Variants in DHRSX observed in about 807,000 individuals in gnomAD.
The protein encoded by DHRSX is polyprenol dehydrogenase.
A neutral mutation model predicts 34.0 loss-of-function variants in DHRSX; 31 were observed. The observed-to-expected ratio is 0.91, with a 90% CI of 0.69 to 1.23. The LOEUF (loss-of-function observed/expected upper bound fraction) is 1.23. Ranked by LOEUF, DHRSX falls within the 50% of genes most tolerant of loss-of-function variation. The pLI is 0.00. For synonymous variants in DHRSX, 201 were observed against 183.8 expected (o/e 1.09, Z -0.76); for missense variants, 414 against 428.1 (o/e 0.97, Z 0.29).
intron 5 of DHRSX, among the ~76,000 whole-genome samples, chrX:2,252,565 G>T (rs1178659671): frequency 6.6e-6 from 1 of 152,186 alleles, no homozygotes; most frequent in Non-Finnish European, 1.5e-5. Context: ...TGAAAAAGCA[G>T]AAAATGCATC....
chrX:2,241,343 T>C (rs1227561830), intron 6 of DHRSX, among the ~76,000 whole-genome samples: 2 of 152,202 alleles, frequency 1.3e-5, no homozygotes, highest in Non-Finnish European at 2.9e-5. Flanking sequence ...TGCTTTGTCC[T>C]GCTGAACTGA....
At chrX:2,224,646 A>G (rs1434445963) in intron 6 of DHRSX, among the ~76,000 whole-genome samples, 3 of 152,092 alleles carry the variant, frequency 2.0e-5, no homozygotes, top group African/African-American at 7.2e-5. Context: ...GGTCACTTAC[A>G]TGCTGACATG....
intron 3 of DHRSX, among the ~76,000 whole-genome samples, chrX:2,322,563 A>G (rs1317796483): frequency 6.6e-6 from 1 of 151,810 alleles, no homozygotes; most frequent in Non-Finnish European, 1.5e-5. Context: ...CTCAAAAAAA[A>G]AAAAAAAAGA....
chrX:2,319,558 A>AG (rs1180601352), intron 3 of DHRSX, among the ~76,000 whole-genome samples: 1 of 151,136 alleles, frequency 6.6e-6, no homozygotes, highest in Non-Finnish European at 1.5e-5. Flanking sequence ...AAAAAAAAAA[A>AG]AAGAGAACGA....
At chrX:2,359,144 T>C (rs2042895368) in intron 3 of DHRSX, among the ~76,000 whole-genome samples, 1 of 152,136 alleles carries the variant, frequency 6.6e-6, no homozygotes, top group Non-Finnish European at 1.5e-5. Flanking sequence ...ACCTAAACAC[T>C]GTTGGCGGGA....
chrX:2,283,895 TTCATTCCTTTGAATTCAC>T (rs1235942400), intron 4 of DHRSX, among the ~76,000 whole-genome samples: 3,062 of 137,490 alleles, frequency 0.022, 128 homozygotes, highest in African/African-American at 0.066. Flanking sequence ...TTTGAATTCG[TTCATTCCTTTGAATTCAC>T]TCATTCCTTT....
intron 3 of DHRSX, among the ~76,000 whole-genome samples, chrX:2,308,744 G>T (rs913839780): frequency 6.6e-6 from 1 of 151,672 alleles, no homozygotes; most frequent in African/African-American, 2.4e-5. Flanking sequence ...TCAACATTGT[G>T]GGGGAAGGAG....
intron 1 of DHRSX, chrX:2,487,708 GAAAATACAACA>G: frequency 6.6e-6 from 1 of 152,130 alleles, no homozygotes; most frequent in South Asian, 2.1e-4. Context: ...GCAACCTGTC[GAAAATACAACA>G]CATTCCACAC....
At chrX:2,495,256 A>C (rs1240780214) in intron 1 of DHRSX, among the ~76,000 whole-genome samples, 2 of 151,526 alleles carry the variant, frequency 1.3e-5, no homozygotes, top group Non-Finnish European at 1.5e-5. Context: ...GACGTGAAGC[A>C]AAGGTTTATA....
intron 1 of DHRSX, among the ~76,000 whole-genome samples, chrX:2,455,521 C>A (rs189800673): frequency 1.3e-5 from 2 of 152,032 alleles, no homozygotes; most frequent in South Asian, 4.2e-4. Context: ...GCGGGTGGAT[C>A]ACTTGAGGCC....
intron 1 of DHRSX, among the ~76,000 whole-genome samples, chrX:2,457,662 T>C (rs966433088): frequency 4.1e-5 from 6 of 146,766 alleles, no homozygotes; most frequent in African/African-American, 1.5e-4. Context: ...ATGCTGAAGA[T>C]GGTTCCCCTA....
At chrX:2,361,053 T>A (rs1011571065) in intron 3 of DHRSX, among the ~76,000 whole-genome samples, 13 of 152,156 alleles carry the variant, frequency 8.5e-5, no homozygotes, top group African/African-American at 2.9e-4. Flanking sequence ...GGCTGGAGCG[T>A]TGGCTTTGGT....
At chrX:2,419,139 T>C (rs2043737514) in intron 2 of DHRSX, among the ~76,000 whole-genome samples, 1 of 152,188 alleles carries the variant, frequency 6.6e-6, no homozygotes, top group Non-Finnish European at 1.5e-5. Context: ...ATGTTGAAAT[T>C]CTAACATCCC....
intron 3 of DHRSX, among the ~76,000 whole-genome samples, chrX:2,308,719 G>C (rs1344929388): frequency 1.4e-5 from 2 of 147,508 alleles, no homozygotes; most frequent in African/African-American, 2.5e-5. Flanking sequence ...GGTAGGCAGG[G>C]AGAAATGAAC....
intron 1 of DHRSX, among the ~76,000 whole-genome samples, chrX:2,461,339 A>G (rs997467955): frequency 2.0e-5 from 3 of 152,226 alleles, no homozygotes; most frequent in African/African-American, 7.2e-5. Context: ...TTCTGCATCA[A>G]AACATCTGCA....
intron 1 of DHRSX, among the ~76,000 whole-genome samples, chrX:2,476,711 A>C (rs2044685412): frequency 6.6e-6 from 1 of 152,212 alleles, no homozygotes; most frequent in South Asian, 2.1e-4. Context: ...TTCTTGAAAA[A>C]GAATGGGATT....
intron 3 of DHRSX, among the ~76,000 whole-genome samples, chrX:2,344,917 T>A (rs1306191738): frequency 5.5e-5 from 7 of 127,176 alleles, no homozygotes; most frequent in Non-Finnish European, 9.9e-5. Context: ...ATATATATAC[T>A]GTATTTATTT....
intron 5 of DHRSX, among the ~76,000 whole-genome samples, chrX:2,264,539 C>T (rs1185258438): frequency 4.1e-5 from 6 of 147,428 alleles, no homozygotes; most frequent in Admixed American, 3.4e-4. Flanking sequence ...CACCTGTGCT[C>T]AGCAGACGCA....
Position 2,220,332 on chromosome X carries a change from AT to A in DHRSX, c.*708del, listed in dbSNP as rs1421365569. The A allele has an allele frequency of 6.6e-6, 1 of 152,220 alleles. No homozygotes were observed. The highest frequency in any genetic ancestry group is 1.5e-5 in the Non-Finnish European group (1 of 68,054). 9.4% of individuals were successfully genotyped at this position (152,220 alleles called of 1,614,324 possible). ...ATAATGACCCATCTCAAAATTCTTA[AT>A]TCTATCTGCAAAGATTCTTTTCCAA... On this transcript the variant is annotated 3_prime_UTR_variant, in exon 7 of 7. Coordinates refer to ENST00000334651, the MANE Select transcript of DHRSX (RefSeq NM_145177.3).
Sources: allele counts gnomAD v4.1 joint callset (sites outside exome capture counted in the v4.1 genomes callset), GRCh38; gene constraint gnomAD v4.1.1; transcripts MANE v1.5; gene names NCBI Gene and HGNC (gene_info 2026-07-23, HGNC 2026-07-21).